RAB38: variants seen among roughly 807,000 people sequenced by gnomAD.
RAB38 encodes the protein ras-related protein Rab-38.
Under a neutral mutation model 18.4 loss-of-function variants are expected in RAB38, and 15 were observed. The ratio of observed to expected loss-of-function variants is 0.82; its 90% CI spans 0.55 to 1.26. The LOEUF (loss-of-function observed/expected upper bound fraction) is 1.26, where lower values mean the gene tolerates loss of function less well. Among genes scored for constraint, RAB38 ranks in the 50% most tolerant of loss-of-function variants. The probability of loss-of-function intolerance (pLI) is 0.00; values close to 1 mark genes in which losing one functional copy is unlikely to be tolerated. For missense variants in RAB38, 294 were observed against 267.4 expected, an observed-to-expected ratio of 1.10 and a Z score of -0.69; for synonymous variants, 101 against 104.4, an observed-to-expected ratio of 0.97 and a Z score of 0.20.
At chr11:88,122,430 C>T (rs905102686) in intron 2 of RAB38, among the ~76,000 whole-genome samples, 1 of 152,186 alleles carries the variant, frequency 6.6e-6, no homozygotes, top group Admixed American at 6.5e-5. Context: ...TAACAAACCC[C>T]ATTCATGAAA....
chr11:88,066,386 G>C, the RAB38 span, among the ~76,000 whole-genome samples: 1 of 152,074 alleles, frequency 6.6e-6, no homozygotes. Flanking sequence ...GGATAGATAC[G>C]TTTTCTGCGT....
the RAB38 span, among the ~76,000 whole-genome samples, chr11:87,837,994 AG>A: frequency 1.3e-5 from 2 of 152,204 alleles, no homozygotes; most frequent in Non-Finnish European, 2.9e-5. Flanking sequence ...ACTCTTAATA[AG>A]TTTTTAATAA....
At chr11:88,172,164 G>C (rs1943318059) in intron 1 of RAB38, among the ~76,000 whole-genome samples, 1 of 152,200 alleles carries the variant, frequency 6.6e-6, no homozygotes, top group Non-Finnish European at 1.5e-5. Context: ...TCTACTAGCT[G>C]GGTGGCCTCA....
chr11:87,962,107 T>C, the RAB38 span, among the ~76,000 whole-genome samples: 15 of 152,204 alleles, frequency 9.9e-5, 1 homozygote, highest in Admixed American at 9.8e-4. Context: ...ATGGAAGTTC[T>C]CTATAAATTG....
At chr11:88,004,894 C>A in the RAB38 span, among the ~76,000 whole-genome samples, 1 of 151,124 alleles carries the variant, frequency 6.6e-6, no homozygotes, top group Non-Finnish European at 1.5e-5. Context: ...TGAATATGAT[C>A]AAAAATACTA....
At chr11:87,862,843 G>C in the RAB38 span, among the ~76,000 whole-genome samples, 1 of 151,666 alleles carries the variant, frequency 6.6e-6, no homozygotes, top group Non-Finnish European at 1.5e-5. Flanking sequence ...GAACTTGAAG[G>C]AACTAATGTT....
the RAB38 span, among the ~76,000 whole-genome samples, chr11:87,847,801 CG>C: frequency 1.3e-5 from 2 of 152,070 alleles, no homozygotes; most frequent in African/African-American, 4.8e-5. Flanking sequence ...GACAGAAAGA[CG>C]GGACATGTCC....
the RAB38 span, among the ~76,000 whole-genome samples, chr11:88,017,853 T>C: frequency 1.3e-5 from 2 of 151,798 alleles, no homozygotes; most frequent in African/African-American, 4.8e-5. Context: ...ATAGCCCTGG[T>C]AATTCCCACT....
chr11:87,810,878 C>T, the RAB38 span, among the ~76,000 whole-genome samples: 6 of 151,740 alleles, frequency 4.0e-5, no homozygotes, highest in Non-Finnish European at 8.8e-5. Flanking sequence ...TCAATTCTTG[C>T]GTCCTCAGAA....
the RAB38 span, among the ~76,000 whole-genome samples, chr11:88,067,938 C>CATATATATACATATATATACTTAT: frequency 6.9e-3 from 1,016 of 146,584 alleles, 14 homozygotes; most frequent in African/African-American, 0.024. Flanking sequence ...TACACACACA[C>CATATATATACATATATATACTTAT]ATATATATAC....
chr11:88,007,589 G>A, the RAB38 span, among the ~76,000 whole-genome samples: 1 of 151,812 alleles, frequency 6.6e-6, no homozygotes, highest in African/African-American at 2.4e-5. Flanking sequence ...TAAAAATAAC[G>A]AAAACATCAA....
chr11:88,097,367 A>G, the RAB38 span, among the ~76,000 whole-genome samples: 3 of 151,934 alleles, frequency 2.0e-5, no homozygotes, highest in African/African-American at 7.2e-5. Flanking sequence ...AAGAGTTTAT[A>G]AACTGTCAGG....
chr11:88,004,400 A>C, the RAB38 span, among the ~76,000 whole-genome samples: 1 of 151,172 alleles, frequency 6.6e-6, no homozygotes, highest in South Asian at 2.1e-4. Flanking sequence ...ACCACACACA[A>C]AAAAAGCATT....
At chr11:88,167,045 A>G (rs923446451) in intron 1 of RAB38, 5 of 152,196 alleles carry the variant, frequency 3.3e-5, no homozygotes, top group Non-Finnish European at 7.4e-5. Flanking sequence ...AGACATTCCA[A>G]TGCAATAGTA....
the RAB38 span, among the ~76,000 whole-genome samples, chr11:87,902,757 G>A: frequency 2.6e-5 from 4 of 151,122 alleles, no homozygotes; most frequent in South Asian, 4.2e-4. Context: ...ATGTCTAAGC[G>A]TTTTGCATAT....
the RAB38 span, among the ~76,000 whole-genome samples, chr11:87,854,124 C>G: frequency 3.2e-5 from 1 of 31,416 alleles, no homozygotes; most frequent in African/African-American, 1.3e-4. Flanking sequence ...ATCACACCTG[C>G]AAAGGTTTTT....
chr11:88,130,408 C>A (rs1315145295), intron 2 of RAB38, among the ~76,000 whole-genome samples: 1 of 152,108 alleles, frequency 6.6e-6, no homozygotes, highest in Non-Finnish European at 1.5e-5. Context: ...GAAGAAAATA[C>A]TAAAGGCAGA....
the RAB38 span, among the ~76,000 whole-genome samples, chr11:87,933,341 C>T: frequency 1.3e-5 from 2 of 151,998 alleles, no homozygotes; most frequent in Non-Finnish European, 2.9e-5. Flanking sequence ...TTGCCCACTC[C>T]CATCTCATAT....
At chr11:88,033,486 T>C in the RAB38 span, among the ~76,000 whole-genome samples, 3 of 152,188 alleles carry the variant, frequency 2.0e-5, no homozygotes, top group Non-Finnish European at 4.4e-5. Flanking sequence ...ATTCATTATC[T>C]ATTTTATATA....
Sources: allele counts gnomAD v4.1 joint callset (sites outside exome capture counted in the v4.1 genomes callset), GRCh38; gene constraint gnomAD v4.1.1; transcripts MANE v1.5; gene names NCBI Gene and HGNC (gene_info 2026-07-23, HGNC 2026-07-21).